The following ADAM12 variants were observed in gnomAD, a reference collection of about 807,000 sequenced individuals.
The protein encoded by ADAM12 is ADAM metallopeptidase domain 12.
Under a neutral mutation model 106.4 loss-of-function variants are expected in ADAM12, and 70 were observed. That is an observed-to-expected ratio of 0.66 (90% CI 0.54 to 0.80). ADAM12 has a LOEUF of 0.80. Among genes scored for constraint, ADAM12 ranks in the 30% least tolerant of loss-of-function variants. The pLI, the probability that ADAM12 is intolerant of heterozygous loss-of-function variation, is 0.00. For missense variants in ADAM12, 1,010 were observed against 1,171.9 expected, an observed-to-expected ratio of 0.86 and a Z score of 2.02; for synonymous variants, 420 against 433.5, an observed-to-expected ratio of 0.97 and a Z score of 0.39.
intron 3 of ADAM12, among the ~76,000 whole-genome samples, chr10:126,251,910 GGATGGATGGGATGGATAGGAT>G: frequency 6.7e-6 from 1 of 148,826 alleles, no homozygotes; most frequent in African/African-American, 2.5e-5. Flanking sequence ...TGGATAGGAT[GGATGGATGGGATGGATAGGAT>G]GGATGGATGG....
At chr10:126,342,398 G>A (rs372900597) in intron 1 of ADAM12, among the ~76,000 whole-genome samples, 5 of 152,274 alleles carry the variant, frequency 3.3e-5, no homozygotes, top group African/African-American at 7.2e-5. Context: ...TAGAATTAGC[G>A]TCCTGAAGAA....
At chr10:126,153,919 G>A (rs961094560) in intron 4 of ADAM12, among the ~76,000 whole-genome samples, 6 of 152,202 alleles carry the variant, frequency 3.9e-5, no homozygotes, top group Non-Finnish European at 5.9e-5. Context: ...CCACACATGA[G>A]ACTAACTGGG....
Position 126,036,221 on chromosome 10 carries a change from G to T in ADAM12, c.2454C>A (p.Pro818=). 1 of 1,551,942 alleles carries T rather than the reference G, an allele frequency of 6.4e-7. No homozygotes were observed. Among genetic ancestry groups the T allele is most frequent in the Non-Finnish European group, 8.7e-7 (1 of 1,154,188 alleles). ...QPQSTQRVLP[P]LHRAPRAPSV... ...TAGGTGCACGTGGAGCCCGGTGGAG[G>T]GGAGGAAGCACTCGCTGAGTTGACT... The change falls in exon 21 of 23, where the codon CCC becomes CCA. Residue 818 remains proline (P), a synonymous_variant. Transcript: ENST00000448723.
chr10:126,330,348 A>G, intron 2 of ADAM12, 64 bp downstream of exon 2: 1 of 1,331,772 alleles, frequency 7.5e-7, no homozygotes, highest in Non-Finnish European at 1.1e-6. Flanking sequence ...AGAGAATACC[A>G]AAGCAGCTAA....
At chr10:126,195,941 T>G (rs1258330367) in intron 3 of ADAM12, among the ~76,000 whole-genome samples, 1 of 152,212 alleles carries the variant, frequency 6.6e-6, no homozygotes, top group Non-Finnish European at 1.5e-5. Flanking sequence ...TCTCACAAGC[T>G]GGCCTAGAAT....
Position 126,038,628 on chromosome 10 carries a change from C to T in ADAM12, c.2241-279G>A, listed in dbSNP as rs1019632145. On this transcript the variant is annotated intron_variant, in intron 19 of 22. Coordinates refer to ENST00000448723, the MANE Select transcript of ADAM12 (RefSeq NM_001288973.2). The stretch of plus-strand genomic sequence containing the variant: ...GATTTGTATGAAGCTGGCATTTCAG[C>T]GATAATGTCTTTGAATATATTTGGA... 3.3e-5 allele frequency among the ~76,000 whole-genome samples: 5 copies of T among 152,094 alleles called. No individual in the cohort carries two copies. In the East Asian group the frequency reaches 7.7e-4, roughly 23 times the overall value.
intron 1 of ADAM12, among the ~76,000 whole-genome samples, chr10:126,377,067 G>T (rs1856319738): frequency 6.6e-6 from 1 of 152,164 alleles, no homozygotes; most frequent in Non-Finnish European, 1.5e-5. Flanking sequence ...CCTGTGATGT[G>T]TCATCTTCAG....
chr10:126,131,506 G>A (rs1304645362), intron 5 of ADAM12, among the ~76,000 whole-genome samples: 9 of 152,154 alleles, frequency 5.9e-5, no homozygotes, highest in African/African-American at 1.7e-4. Flanking sequence ...TGATGGTATC[G>A]GGAGATGGGG....
chr10:126,319,480 C>T lies in ADAM12; in HGVS notation c.186+10932G>A, dbSNP rs373634635. 9.2e-5 allele frequency among the ~76,000 whole-genome samples: 14 copies of T among 152,094 alleles called. 1 individual carries two copies. The highest frequency in any genetic ancestry group is 1.5e-4 in the Non-Finnish European group (10 of 68,018). On this transcript the variant is annotated intron_variant, in intron 2 of 22. Coordinates refer to ENST00000448723, the MANE Select transcript of ADAM12 (RefSeq NM_001288973.2). ...AAGCCCAGTCCCATCATGAGAAAAA[C>T]GCTGGAAAATCCCAGCTGAGGGCCA...
rs551795692 is a variant in ADAM12 at position 126,053,987 on chromosome 10, G to C, written c.1610-4318C>G. The stretch of plus-strand genomic sequence containing the variant: ...CTCCCAAAATGCTGGGATTACAGGC[G>C]TGAGCCACCGTACCTGGCCTGGTCT... On this transcript the variant is annotated intron_variant, in intron 14 of 22. Coordinates refer to ENST00000448723, the MANE Select transcript of ADAM12 (RefSeq NM_001288973.2). This position sits in a 1 kb window ranked among gnomAD's most constrained non-coding sequence, Gnocchi z 4.6. Among the ~76,000 whole-genome samples, 1 of 152,148 alleles carries C rather than the reference G, an allele frequency of 6.6e-6. No homozygotes were observed. The highest frequency in any genetic ancestry group is 6.5e-5 in the Admixed American group (1 of 15,280).
intron 5 of ADAM12, among the ~76,000 whole-genome samples, chr10:126,128,048 G>T (rs547097239): frequency 6.6e-6 from 1 of 152,140 alleles, no homozygotes; most frequent in African/African-American, 2.4e-5. Flanking sequence ...AAAAAAAATT[G>T]AACGGGGGTC....
chr10:126,290,031 T>C lies in ADAM12; in HGVS notation c.187-11043A>G, dbSNP rs545503094. On this transcript the variant is annotated intron_variant, in intron 2 of 22. Transcript: ENST00000448723. ...GATTATTCAGATGGGCCCAATGTAA[T>C]CACAAGCGTTCCTGAAGGCAGAGAA... Among the ~76,000 whole-genome samples the C allele has an allele frequency of 1.4e-4, 21 of 152,226 alleles. No homozygotes were observed. In the South Asian group the frequency reaches 4.2e-3, roughly 30 times the overall value.
At chr10:126,124,515 A>G (rs1169438388) in intron 5 of ADAM12, among the ~76,000 whole-genome samples, 1 of 152,150 alleles carries the variant, frequency 6.6e-6, no homozygotes, top group African/African-American at 2.4e-5. Context: ...CGTGGCTCCC[A>G]TTTCAAATAT....
In ADAM12 at chr10:126,299,801, G is replaced by A. The variant is rs190275155; in HGVS notation, c.187-20813C>T. 2.9e-3 allele frequency among the ~76,000 whole-genome samples: 445 copies of A among 152,102 alleles called. 3 individuals are homozygous for A. The highest frequency in any genetic ancestry group is 3.6e-3 in the African/African-American group (151 of 41,506). On this transcript the variant is annotated intron_variant, in intron 2 of 22. Transcript: ENST00000448723. ...TGGGATTATAGGTGCCCACCACCAC[G>A]CCTGGCTAATTTTTGTATTTTTAGT...
At chr10:126,322,294 C>T (rs563543308) in intron 2 of ADAM12, among the ~76,000 whole-genome samples, 1 of 152,256 alleles carries the variant, frequency 6.6e-6, no homozygotes, top group African/African-American at 2.4e-5. Context: ...TCAGCTCTTC[C>T]CAGAAAAATC....
At chr10:126,297,092 C>T (rs1487557772) in intron 2 of ADAM12, among the ~76,000 whole-genome samples, 1 of 152,146 alleles carries the variant, frequency 6.6e-6, no homozygotes, top group South Asian at 2.1e-4. Context: ...AAACAGTTTT[C>T]CTACTCCTTA....
chr10:126,307,018 C>T (rs1960876131), intron 2 of ADAM12, among the ~76,000 whole-genome samples: 1 of 152,198 alleles, frequency 6.6e-6, no homozygotes, highest in African/African-American at 2.4e-5. Flanking sequence ...TTTCACCGTT[C>T]CATGTGGCTT....
intron 14 of ADAM12, among the ~76,000 whole-genome samples, chr10:126,056,489 C>T (rs548472394): frequency 1.3e-5 from 2 of 152,308 alleles, no homozygotes; most frequent in South Asian, 2.1e-4. Context: ...TCACGGGTAG[C>T]CCCAATAGAT....
At chr10:126,379,960 C>A (rs1856432399) in intron 1 of ADAM12, among the ~76,000 whole-genome samples, 1 of 152,206 alleles carries the variant, frequency 6.6e-6, no homozygotes, top group African/African-American at 2.4e-5. Context: ...AAGAATGGAT[C>A]ATCTAAACTG....
Sources: gnomAD v4.1 joint callset for allele counts (sites outside exome capture counted in the v4.1 genomes callset) on GRCh38, gnomAD v4.1.1 for gene constraint, Gnocchi (gnomAD v3.1) non-coding constraint, MANE v1.5 for transcripts, NCBI Gene and HGNC (gene_info 2026-07-23, HGNC 2026-07-21) for gene names.